The following SNX16 variants were observed in gnomAD, a reference collection of about 807,000 sequenced individuals.
SNX16 encodes sorting nexin 16, also known as sorting nexin-16.
Under a neutral mutation model 36.7 loss-of-function variants are expected in SNX16, and 35 were observed. The ratio of observed to expected loss-of-function variants is 0.95; its 90% CI spans 0.73 to 1.27. The LOEUF (loss-of-function observed/expected upper bound fraction) is 1.27, where lower values mean the gene tolerates loss of function less well. Ranked by LOEUF, SNX16 falls within the 50% of genes most tolerant of loss-of-function variation. The probability of loss-of-function intolerance (pLI) is 0.00; values close to 1 mark genes in which losing one functional copy is unlikely to be tolerated. For missense variants in SNX16, 367 were observed against 393.6 expected, an observed-to-expected ratio of 0.93 and a Z score of 0.57; for synonymous variants, 134 against 132.0, an observed-to-expected ratio of 1.02 and a Z score of -0.10.
intron 5 of SNX16, among the ~76,000 whole-genome samples, chr8:81,805,602 G>T (rs1809895470): frequency 1.3e-5 from 2 of 152,184 alleles, no homozygotes; most frequent in African/African-American, 4.8e-5. Context: ...GATATGTTAA[G>T]AGATTTTCAA....
intron 6 of SNX16, 56 bp downstream of exon 6, chr8:81,803,036 C>G: frequency 7.0e-7 from 1 of 1,419,828 alleles, no homozygotes; most frequent in Non-Finnish European, 9.3e-7. Context: ...GGGCAGTTAG[C>G]CCAGAGTATT....
intron 5 of SNX16, chr8:81,807,630 T>A (rs1295985141): frequency 2.6e-6 from 1 of 387,050 alleles, no homozygotes; most frequent in African/African-American, 2.1e-5. Context: ...AGGGATGAAC[T>A]TTTAAATAAA....
chr8:81,809,382 A>C (rs1335896204), intron 5 of SNX16, among the ~76,000 whole-genome samples: 1 of 152,196 alleles, frequency 6.6e-6, no homozygotes, highest in African/African-American at 2.4e-5. Flanking sequence ...TATAGATGGG[A>C]ATGAAGCTTG....
In SNX16 at chr8:81,839,690, T is replaced by C. The variant is rs1370509630; in HGVS notation, c.297A>G (p.Glu99=). 1 of 1,613,190 alleles carries C rather than the reference T, an allele frequency of 6.2e-7. No homozygotes were observed. The highest frequency in any genetic ancestry group is 8.5e-7 in the Non-Finnish European group (1 of 1,179,568). ...RPRDTEEQNP[E]TVNWEDRPST... Reference sequence around the variant, plus strand: ...ATGGTCTATCTTCCCAATTCACTGTTTCCGGATTTTGTTCTTCAGTGTCTC... The same window carrying C: ...ATGGTCTATCTTCCCAATTCACTGTCTCCGGATTTTGTTCTTCAGTGTCTC... Residue 99 remains glutamate, a synonymous_variant, in exon 2 of 8, where the codon GAA becomes GAG. Transcript: ENST00000345957.
At chr8:81,815,415 AT>A (rs772811966) in intron 4 of SNX16, 21 bp from the exon 5 acceptor site, 4 of 1,573,600 alleles carry the variant, frequency 2.5e-6, no homozygotes, top group Non-Finnish European at 3.5e-6. Context: ...GAAAAAAAAA[AT>A]GATCTGAAGT....
At chr8:81,815,123 G>C (rs1440360124) in intron 5 of SNX16, 1 of 308,338 alleles carries the variant, frequency 3.2e-6, no homozygotes, top group East Asian at 5.0e-5. Context: ...AGACATATAT[G>C]AATTTTTACT....
intron 4 of SNX16, among the ~76,000 whole-genome samples, chr8:81,819,885 G>T (rs1159045007): frequency 6.6e-6 from 1 of 152,040 alleles, no homozygotes; most frequent in Non-Finnish European, 1.5e-5. Context: ...AAGAGTTGGA[G>T]AATATGTAGC....
chr8:81,815,893 CGA>C (rs937167804), intron 4 of SNX16, among the ~76,000 whole-genome samples: 1 of 151,988 alleles, frequency 6.6e-6, no homozygotes, highest in African/African-American at 2.4e-5. Flanking sequence ...CTAGATAGTT[CGA>C]GAGAAAAAAT....
At chr8:81,823,011 G>A (rs934429464) in intron 4 of SNX16, among the ~76,000 whole-genome samples, 5 of 134,348 alleles carry the variant, frequency 3.7e-5, no homozygotes, top group Admixed American at 7.7e-5. Context: ...TATATATATC[G>A]CACGTGTGTC....
At chr8:81,808,046 G>C (rs1254072315) in intron 5 of SNX16, 1 of 942,856 alleles carries the variant, frequency 1.1e-6, no homozygotes, top group African/African-American at 1.6e-5. Flanking sequence ...GCTGTCTCAA[G>C]GGAAGATTCT....
At chr8:81,815,477 T>A in intron 4 of SNX16, 83 bp from the exon 5 acceptor site, 1 of 1,088,062 alleles carries the variant, frequency 9.2e-7, no homozygotes, top group East Asian at 2.5e-5. Flanking sequence ...TTTGAAGCTG[T>A]ACAGTGTTTT....
chr8:81,811,291 C>G (rs963768814), intron 5 of SNX16, among the ~76,000 whole-genome samples: 29 of 152,130 alleles, frequency 1.9e-4, no homozygotes, highest in Non-Finnish European at 8.8e-5. Context: ...TCTATGGGGC[C>G]TTGATAAGCT....
intron 5 of SNX16, among the ~76,000 whole-genome samples, chr8:81,809,423 A>C (rs1336627922): frequency 1.3e-5 from 2 of 148,614 alleles, no homozygotes; most frequent in Non-Finnish European, 3.0e-5. Flanking sequence ...GTAATCAATA[A>C]ACAATTTAAT....
chr8:81,809,667 A>G (rs948213176), intron 5 of SNX16, among the ~76,000 whole-genome samples: 1 of 152,246 alleles, frequency 6.6e-6, no homozygotes, highest in African/African-American at 2.4e-5. Flanking sequence ...GACAAAAATT[A>G]AAAGATTGAC....
At chr8:81,837,912 T>C (rs1811562630) in intron 2 of SNX16, among the ~76,000 whole-genome samples, 1 of 152,188 alleles carries the variant, frequency 6.6e-6, no homozygotes, top group South Asian at 2.1e-4. Flanking sequence ...TCTTCATAAA[T>C]TATCTCAACA....
intron 4 of SNX16, among the ~76,000 whole-genome samples, chr8:81,821,482 C>A (rs1207529054): frequency 6.6e-6 from 1 of 151,838 alleles, no homozygotes; most frequent in East Asian, 1.9e-4. Flanking sequence ...GGTGGTAGTA[C>A]AAGTCCTCTT....
chr8:81,829,631 T>G, intron 2 of SNX16, 115 bp from the exon 3 acceptor site: 1 of 394,916 alleles, frequency 2.5e-6, no homozygotes, highest in African/African-American at 2.1e-5. Flanking sequence ...TAACAATTAT[T>G]ATGTAAAAAA....
chr8:81,839,745 G>GCTGTAC lies in SNX16; in HGVS notation c.236_241dup (p.Gly79_Thr80dup). The GCTGTAC allele has an allele frequency of 6.2e-7, 1 of 1,613,982 alleles. No homozygotes were observed. Among genetic ancestry groups the GCTGTAC allele is most frequent in the Non-Finnish European group, 8.5e-7 (1 of 1,179,908 alleles). On this transcript the variant is annotated inframe_insertion, in exon 2 of 8. Transcript: ENST00000345957. ...TCTAGTAGAATACTCAATGGAAGAAGCTGTACCTGTAAATTTAGTCCTAAT... is the reference window on the plus strand; with the variant it reads ...TCTAGTAGAATACTCAATGGAAGAAGCTGTACCTGTACCTGTAAATTTAGTCCTAAT...
In SNX16 at chr8:81,839,824, T is replaced by C. The variant is rs1369926732; in HGVS notation, c.163A>G (p.Thr55Ala). 10 of 1,613,776 alleles carry C rather than the reference T, an allele frequency of 6.2e-6. No individual in the cohort carries two copies. Among genetic ancestry groups the C allele is most frequent in the Non-Finnish European group, 8.5e-6 (10 of 1,179,688 alleles). The stretch of plus-strand genomic sequence containing the variant: ...TTATCCATTTGATCAGGAACACTTG[T>C]CTGTTTAAAATTACCCATATTTGAG... ...EDSNMGNFKQ[T>A]SVPDQMDNTS... Residue 55 changes from threonine to alanine, a missense_variant, in exon 2 of 8, where the codon ACA becomes GCA. By Grantham distance (58) the Thr-to-Ala change is moderately conservative. Coordinates refer to ENST00000345957, the MANE Select transcript of SNX16 (RefSeq NM_152836.3).
Sources: allele counts gnomAD v4.1 joint callset (sites outside exome capture counted in the v4.1 genomes callset), GRCh38; gene constraint gnomAD v4.1.1; transcripts MANE v1.5; gene names NCBI Gene and HGNC (gene_info 2026-07-23, HGNC 2026-07-21).